Variants in MBTD1 observed in about 807,000 individuals in gnomAD.
The protein encoded by MBTD1 is MBT domain-containing protein 1.
A neutral mutation model predicts 87.8 loss-of-function variants in MBTD1; 24 were observed. The ratio of observed to expected loss-of-function variants is 0.27; its 90% CI spans 0.20 to 0.38. MBTD1 has a LOEUF of 0.38. Ranked by LOEUF, MBTD1 falls within the 10% of genes least tolerant of loss-of-function variation. The pLI is 1.00. For synonymous variants in MBTD1, 237 were observed against 248.6 expected (o/e 0.95, Z 0.44); for missense variants, 436 against 760.2 (o/e 0.57, Z 5.02).
intron 3 of MBTD1, among the ~76,000 whole-genome samples, chr17:51,223,596 G>A (rs2053041451): frequency 6.6e-6 from 1 of 152,042 alleles, no homozygotes; most frequent in Non-Finnish European, 1.5e-5. Context: ...AGCACTTTGA[G>A]AGGCCGAGGC....
intron 6 of MBTD1, among the ~76,000 whole-genome samples, 177 bp downstream of exon 6, chr17:51,217,157 A>AG (rs1358151947): frequency 6.6e-6 from 1 of 152,206 alleles, no homozygotes; most frequent in African/African-American, 2.4e-5. Context: ...ACTTGTACTT[A>AG]CAAAACTTAC....
intron 2 of MBTD1, among the ~76,000 whole-genome samples, chr17:51,240,428 G>T (rs572736975): frequency 6.6e-6 from 1 of 152,162 alleles, no homozygotes; most frequent in Admixed American, 6.5e-5. Flanking sequence ...AATTTCTCAG[G>T]TTTTCTTGGT....
chr17:51,253,109 G>A, intron 2 of MBTD1, among the ~76,000 whole-genome samples: 1 of 152,046 alleles, frequency 6.6e-6, no homozygotes, highest in East Asian at 1.9e-4. Flanking sequence ...TAATTTATAT[G>A]AAGTATACAG....
chr17:51,187,612 G>A (rs925267347), intron 16 of MBTD1, among the ~76,000 whole-genome samples: 49 of 152,034 alleles, frequency 3.2e-4, no homozygotes, highest in African/African-American at 1.2e-3. Flanking sequence ...CACTTTGGGA[G>A]GCCGAGGCAG....
intron 12 of MBTD1, among the ~76,000 whole-genome samples, chr17:51,199,390 C>T (rs965547813): frequency 6.6e-6 from 1 of 151,290 alleles, no homozygotes; most frequent in South Asian, 2.1e-4. Context: ...AAAAAAGGGC[C>T]CAGCCTTTTT....
At chr17:51,218,436 T>C (rs1257181621) in intron 5 of MBTD1, among the ~76,000 whole-genome samples, 1 of 146,506 alleles carries the variant, frequency 6.8e-6, no homozygotes, top group Non-Finnish European at 1.5e-5. Flanking sequence ...GGCTGAGACA[T>C]GAGAATTGTT....
intron 6 of MBTD1, among the ~76,000 whole-genome samples, chr17:51,208,607 C>T (rs1166278422): frequency 2.0e-5 from 3 of 152,124 alleles, no homozygotes; most frequent in Admixed American, 2.0e-4. Flanking sequence ...TAGATAGATG[C>T]AGTTAAATGA....
chr17:51,239,770 CA>C lies in MBTD1; in HGVS notation c.-48-14562del, dbSNP rs561093043. ...CCCTGGAAGCAAAAAACAAAAAAAACAAAAAAAAAATCCCAGTTGAGAACTA... is the reference window on the plus strand; with the variant it reads ...CCCTGGAAGCAAAAAACAAAAAAAACAAAAAAAAATCCCAGTTGAGAACTA... On this transcript the variant is annotated intron_variant, in intron 2 of 16. Coordinates refer to ENST00000586178, the MANE Select transcript of MBTD1 (RefSeq NM_017643.3). 2.5e-3 allele frequency among the ~76,000 whole-genome samples: 370 copies of C among 148,642 alleles called. 2 individuals carry two copies. Among genetic ancestry groups the C allele is most frequent in the South Asian group, 0.011 (53 of 4,712 alleles).
rs75693771 is a variant in MBTD1, at chr17:51,230,366, T to C, written c.-48-5157A>G. Among the ~76,000 whole-genome samples the C allele has an allele frequency of 6.8e-4, 103 of 152,272 alleles. 1 individual carries two copies. In the East Asian group the frequency reaches 0.014, roughly 21 times the overall value. On this transcript the variant is annotated intron_variant, in intron 2 of 16. Coordinates refer to ENST00000586178, the MANE Select transcript of MBTD1 (RefSeq NM_017643.3). ...GCTGTGAACTTGTGCAAGTTATGGG[T>C]TTCTTCTCTTACTCATTCGACATTT...
intron 12 of MBTD1, among the ~76,000 whole-genome samples, chr17:51,200,709 C>T (rs1294478803): frequency 6.6e-6 from 1 of 150,970 alleles, no homozygotes; most frequent in Non-Finnish European, 1.5e-5. Context: ...ACAAAATATA[C>T]AAAAATTAGC....
rs2050779603 is a variant in MBTD1, at chr17:51,190,974, C to T, written c.1768+1229G>A. On this transcript the variant is annotated intron_variant, in intron 16 of 16. Coordinates refer to ENST00000586178, the MANE Select transcript of MBTD1 (RefSeq NM_017643.3). ...CAACACATGCCTGTGGTCCAAGCTACTCAGGAGGCTGGGGTGGGAGGACTG... is the reference window on the plus strand; with the variant it reads ...CAACACATGCCTGTGGTCCAAGCTATTCAGGAGGCTGGGGTGGGAGGACTG... Among the ~76,000 whole-genome samples the T allele has an allele frequency of 2.0e-5, 3 of 151,634 alleles. No homozygotes were observed. The South Asian group carries it at 6.2e-4, about 31-fold the overall frequency.
intron 2 of MBTD1, chr17:51,256,622 G>C (rs2055104796): frequency 6.6e-6 from 1 of 152,186 alleles, no homozygotes; most frequent in South Asian, 2.1e-4. Context: ...CAGTATGCCA[G>C]ACATTTGGCT....
At chr17:51,243,086 T>C (rs570886333) in intron 2 of MBTD1, among the ~76,000 whole-genome samples, 5 of 152,336 alleles carry the variant, frequency 3.3e-5, no homozygotes, top group African/African-American at 1.2e-4. Context: ...GGTATATTTT[T>C]AGAAATGGGA....
chr17:51,187,758 A>T (rs548428689), intron 16 of MBTD1, among the ~76,000 whole-genome samples: 1 of 151,848 alleles, frequency 6.6e-6, no homozygotes, highest in Non-Finnish European at 1.5e-5. Context: ...CTGAAGCAGG[A>T]GAATCGCTTG....
In MBTD1 at chr17:51,207,373, T is replaced by C. The variant is rs567077958; in HGVS notation, c.487-368A>G. The stretch of plus-strand genomic sequence containing the variant: ...ATACACTTCACCCTAATTTCTACTT[T>C]TAAAAGATCTGGCCTAAGAGCAGAA... On this transcript the variant is annotated intron_variant, in intron 6 of 16. Transcript: ENST00000586178. Among the ~76,000 whole-genome samples, 9 of 152,330 alleles carry C rather than the reference T, an allele frequency of 5.9e-5. No homozygotes were observed. The South Asian group carries it at 1.9e-3, about 32-fold the overall frequency.
At position 51,178,530 on chromosome 17, in the gene MBTD1, T is replaced by A. The variant is rs565635188; in HGVS notation, c.*2046A>T. 7 of 152,296 alleles carry A rather than the reference T, an allele frequency of 4.6e-5. No homozygotes were observed. The South Asian group carries it at 1.4e-3, about 32-fold the overall frequency. 9.4% of individuals were successfully genotyped at this position (152,296 alleles called of 1,614,324 possible). On this transcript the variant is annotated 3_prime_UTR_variant, in exon 17 of 17. Transcript: ENST00000586178. The stretch of plus-strand genomic sequence containing the variant: ...TCCTAAATCCAAGGTACTGGCAGAG[T>A]ACACTACACAACAGGCTTCTTGTGC...
At chr17:51,254,624 T>G (rs2054978234) in intron 2 of MBTD1, among the ~76,000 whole-genome samples, 1 of 152,238 alleles carries the variant, frequency 6.6e-6, no homozygotes, top group Admixed American at 6.5e-5. Flanking sequence ...TGGGTTCAAC[T>G]TCTAGACCTA....
chr17:51,216,950 C>A (rs1460566826), intron 6 of MBTD1, among the ~76,000 whole-genome samples: 2 of 151,888 alleles, frequency 1.3e-5, no homozygotes, highest in Non-Finnish European at 2.9e-5. Flanking sequence ...CCTGTAATCC[C>A]AGCATTTTGG....
Position 51,218,945 on chromosome 17 carries a change from C to G in MBTD1, c.388G>C (p.Ala130Pro). ...AQYQATLQNQ[A>P]KTKAAVSMEG... ...CCAATATTACCTGCTTTTGTCTTTGCTTGATTTTGCAAGGTAGCTTGATAC... is the reference window on the plus strand; with the variant it reads ...CCAATATTACCTGCTTTTGTCTTTGGTTGATTTTGCAAGGTAGCTTGATAC... Residue 130 changes from alanine (A) to proline (P), a missense_variant, in exon 5 of 17, where the codon GCA becomes CCA. Transcript: ENST00000586178. 8 of 1,547,400 alleles carry G rather than the reference C, an allele frequency of 5.2e-6. No homozygotes were observed. Among genetic ancestry groups the G allele is most frequent in the Non-Finnish European group, 7.0e-6 (8 of 1,143,322 alleles).
Sources: allele counts gnomAD v4.1 joint callset (sites outside exome capture counted in the v4.1 genomes callset), GRCh38; gene constraint gnomAD v4.1.1; transcripts MANE v1.5; gene names NCBI Gene and HGNC (gene_info 2026-07-23, HGNC 2026-07-21).